KNTC1: variants seen among roughly 807,000 people sequenced by gnomAD.
The protein encoded by KNTC1 is kinetochore associated 1.
Under a neutral mutation model 314.4 loss-of-function variants are expected in KNTC1, and 253 were observed. The observed-to-expected ratio is 0.80, with a 90% CI of 0.73 to 0.89. KNTC1 has a LOEUF of 0.89. Among genes scored for constraint, KNTC1 ranks in the 40% least tolerant of loss-of-function variants. The probability of loss-of-function intolerance (pLI) is 0.00; values close to 1 mark genes in which losing one functional copy is unlikely to be tolerated. For missense variants in KNTC1, 2,475 were observed against 2,572.9 expected, an observed-to-expected ratio of 0.96 and a Z score of 0.82; for synonymous variants, 901 against 901.4, an observed-to-expected ratio of 1.00 and a Z score of 0.01.
At chr12:122,536,775 C>A (rs558617991) in intron 3 of KNTC1, among the ~76,000 whole-genome samples, 2 of 152,324 alleles carry the variant, frequency 1.3e-5, no homozygotes, top group South Asian at 2.1e-4. Context: ...ACCTTGGCCT[C>A]CCAAAGTGCT....
chr12:122,597,229 G>A (rs1871177647), intron 43 of KNTC1: 1 of 153,482 alleles, frequency 6.5e-6, no homozygotes, highest in Non-Finnish European at 1.4e-5. Flanking sequence ...CACCCACCAG[G>A]AATAATACCT....
intron 2 of KNTC1, among the ~76,000 whole-genome samples, chr12:122,534,260 C>T (rs1385950502): frequency 6.6e-6 from 1 of 152,190 alleles, no homozygotes; most frequent in Non-Finnish European, 1.5e-5. Context: ...AGACTCTATT[C>T]TTTCATGTCT....
At chr12:122,623,857 A>G (rs1874707360) in intron 62 of KNTC1, among the ~76,000 whole-genome samples, 1 of 152,160 alleles carries the variant, frequency 6.6e-6, no homozygotes, top group Non-Finnish European at 1.5e-5. Flanking sequence ...ACCTGAGGTT[A>G]GGAGTTCAAG....
chr12:122,583,212 G>A (rs904776061), intron 34 of KNTC1, among the ~76,000 whole-genome samples: 2 of 152,126 alleles, frequency 1.3e-5, no homozygotes, highest in Admixed American at 1.3e-4. Context: ...TGGGGAGGCT[G>A]AGGCAGGATC....
At chr12:122,604,042 C>T (rs1872294432) in intron 48 of KNTC1, among the ~76,000 whole-genome samples, 1 of 152,000 alleles carries the variant, frequency 6.6e-6, no homozygotes, top group African/African-American at 2.4e-5. Flanking sequence ...TGGTATTACC[C>T]ATTAGGGTTA....
chr12:122,563,008 C>CAA (rs34590470), intron 20 of KNTC1, among the ~76,000 whole-genome samples: 101 of 142,668 alleles, frequency 7.1e-4, no homozygotes, highest in South Asian at 1.3e-3. Flanking sequence ...GACTCGGTCT[C>CAA]AAAAAAAAAA....
At chr12:122,569,923 T>C in intron 22 of KNTC1, 99 bp downstream of exon 22, 1 of 1,009,874 alleles carries the variant, frequency 9.9e-7, no homozygotes, top group Non-Finnish European at 1.5e-6. Context: ...TAACACCAGT[T>C]AGTTAAGCTA....
chr12:122,582,602 A>G, intron 33 of KNTC1, 103 bp from the exon 34 acceptor site: 1 of 1,121,828 alleles, frequency 8.9e-7, no homozygotes, highest in African/African-American at 1.6e-5. Context: ...CCCTGAATCT[A>G]AAATAAAAGT....
At chr12:122,592,136 C>T (rs544734047) in intron 42 of KNTC1, among the ~76,000 whole-genome samples, 92 of 152,326 alleles carry the variant, frequency 6.0e-4, no homozygotes, top group Non-Finnish European at 4.9e-4. Context: ...CCGGCCCTGC[C>T]GGCCCCGGGC....
intron 10 of KNTC1, among the ~76,000 whole-genome samples, chr12:122,546,925 C>T (rs183533473): frequency 2.1e-3 from 316 of 151,116 alleles, no homozygotes; most frequent in African/African-American, 7.1e-3. Context: ...CTCCACCTCC[C>T]GGGTTCAAGC....
At position 122,557,642 on chromosome 12, in the gene KNTC1, A is replaced by G. The variant is rs758271309; in HGVS notation, c.1441A>G (p.Ile481Val). Reference protein sequence around the residue: ...VVNYCLKAQWITYETTQEMLN... With the variant: ...VVNYCLKAQWVTYETTQEMLN... ...GAATTACTGCCTGAAAGCTCAGTGG[A>G]TAACCTATGAAACCACTCAAGAGAT... is the stretch of plus-strand genomic sequence containing the variant. The change falls in exon 18 of 64, where the codon ATA (isoleucine) becomes GTA (valine). Residue 481 changes from isoleucine (I) to valine (V), a missense_variant. Ile to Val is a conservative substitution (Grantham distance 29). Transcript: ENST00000333479. 1.9e-6 allele frequency: 3 copies of G among 1,613,544 alleles called. No homozygotes were observed. The highest frequency in any genetic ancestry group is 2.2e-5 in the East Asian group (1 of 44,870).
rs372583447 is a variant in KNTC1 at position 122,594,405 on chromosome 12, C to A, written c.4355+20C>A. The A allele has an allele frequency of 1.3e-5, 18 of 1,350,634 alleles. No individual in the cohort carries two copies. The highest frequency in any genetic ancestry group is 1.9e-5 in the Non-Finnish European group (18 of 951,358). The allele number at this position is 1,350,634 out of a possible 1,614,324, so 83.7% of individuals were successfully genotyped here. A position where few individuals can be genotyped will look rare whatever the true frequency, so the allele number is the denominator to read the frequency against. On this transcript the variant is annotated intron_variant, in intron 43 of 63. Transcript: ENST00000333479. ...TTGCAGGTAATTCTTTAAACATTAA[C>A]GGTATTTTTGCTGTTAACAAACTGG...
intron 27 of KNTC1, 100 bp from the exon 28 acceptor site, chr12:122,575,443 C>T (rs375888078): frequency 5.5e-6 from 4 of 731,412 alleles, no homozygotes; most frequent in Non-Finnish European, 4.8e-6. Context: ...CTCAAACTAC[C>T]ATGTGGTTGA....
intron 8 of KNTC1, among the ~76,000 whole-genome samples, chr12:122,545,358 A>C (rs1272902394): frequency 1.3e-5 from 2 of 152,002 alleles, no homozygotes; most frequent in African/African-American, 2.4e-5. Context: ...CTCTGATCAC[A>C]CCTGTGATCA....
chr12:122,610,087 C>T (rs1872959924), intron 52 of KNTC1, among the ~76,000 whole-genome samples: 2 of 152,202 alleles, frequency 1.3e-5, no homozygotes. Context: ...TGTGGAAAGA[C>T]AACCCCAAGA....
rs1222643078 is a variant in KNTC1, at chr12:122,597,720, G to A, written c.4356-11G>A. 1.2e-6 allele frequency: 2 copies of A among 1,612,292 alleles called. No homozygotes were observed. Among genetic ancestry groups the A allele is most frequent in the South Asian group, 2.2e-5 (2 of 91,010 alleles). On this transcript the variant is annotated splice_polypyrimidine_tract_variant and intron_variant, in intron 43 of 63. Coordinates refer to ENST00000333479, the MANE Select transcript of KNTC1 (RefSeq NM_014708.6). ...TTTGGGAGACTGGTGTGTATTGAAT[G>A]CTTCTTTTAGCACATTTCAGTTGGA...
At chr12:122,600,237 C>A (rs969182247) in intron 44 of KNTC1, among the ~76,000 whole-genome samples, 1 of 152,050 alleles carries the variant, frequency 6.6e-6, no homozygotes, top group African/African-American at 2.4e-5. Flanking sequence ...GTAGTTGGGA[C>A]TACAGGCACG....
rs1238207721 is a variant in KNTC1 at position 122,622,488 on chromosome 12, C to A, written c.6396C>A (p.Ile2132=). The stretch of plus-strand genomic sequence containing the variant: ...TTAGAAGTCTGATTTTGAATAATAT[C>A]ATCAATAAGAAGGAGTTTGGGATTT... The part of the protein sequence containing the change: ...HQIRSLILNN[I]INKKEFGILA... The change falls in exon 62 of 64, where the codon ATC becomes ATA. Residue 2132 remains isoleucine (I), a synonymous_variant. Coordinates refer to ENST00000333479, the MANE Select transcript of KNTC1 (RefSeq NM_014708.6). The A allele has an allele frequency of 1.9e-6, 3 of 1,581,050 alleles. No individual in the cohort carries two copies. Among genetic ancestry groups the A allele is most frequent in the Non-Finnish European group, 2.6e-6 (3 of 1,161,018 alleles).
At position 122,588,752 on chromosome 12, in the gene KNTC1, T is replaced by G. The variant is rs182542690; in HGVS notation, c.3935T>G (p.Val1312Gly). Residue 1312 changes from valine to glycine, a missense_variant, in exon 40 of 64, where the codon GTT becomes GGT. Transcript: ENST00000333479. ...ACATTAGTTAAATCAAGGCATGTTG[T>G]TATGGAATTGAAAGAAAAAGCTGTT... The part of the protein sequence containing the change: ...ETTLVKSRHV[V>G]MELKEKAVIF... The G allele has an allele frequency of 3.1e-4, 491 of 1,562,470 alleles. 2 individuals are homozygous for G. In the Admixed American group the frequency reaches 8.5e-3, roughly 27 times the overall value.
Sources: gnomAD v4.1 joint callset for allele counts (sites outside exome capture counted in the v4.1 genomes callset) on GRCh38, gnomAD v4.1.1 for gene constraint, MANE v1.5 for transcripts, NCBI Gene and HGNC (gene_info 2026-07-23, HGNC 2026-07-21) for gene names.